The following MAST4 variants were observed in gnomAD, a reference collection of about 807,000 sequenced individuals.
MAST4 encodes the protein microtubule-associated serine/threonine-protein kinase 4.
Under a neutral mutation model 162.7 loss-of-function variants are expected in MAST4, and 89 were observed. That is an observed-to-expected ratio of 0.55 (90% CI 0.46 to 0.65). MAST4 has a LOEUF of 0.65. Ranked by LOEUF, MAST4 falls within the 30% of genes least tolerant of loss-of-function variation. MAST4 has a pLI of 0.00. For synonymous variants in MAST4, 1,479 were observed against 1,361.1 expected (o/e 1.09, Z -1.91); for missense variants, 3,153 against 3,374.0 (o/e 0.93, Z 1.62).
At chr5:67,112,377 A>G (rs1052857994) in intron 11 of MAST4, among the ~76,000 whole-genome samples, 1 of 152,132 alleles carries the variant, frequency 6.6e-6, no homozygotes, top group African/African-American at 2.4e-5. Flanking sequence ...GTGTCCTCCA[A>G]TTCCATTCCA....
intron 3 of MAST4, among the ~76,000 whole-genome samples, chr5:66,852,140 G>A (rs1300909602): frequency 6.6e-6 from 1 of 152,068 alleles, no homozygotes; most frequent in Admixed American, 6.6e-5. Flanking sequence ...AAAATAGCTA[G>A]GCATTATTAA....
chr5:66,998,940 A>G (rs1237127788), intron 4 of MAST4, among the ~76,000 whole-genome samples: 2 of 152,228 alleles, frequency 1.3e-5, no homozygotes, highest in Admixed American at 6.5e-5. Flanking sequence ...CTAAAGTGAC[A>G]ACAAGGTTGG....
intron 3 of MAST4, chr5:66,828,716 G>T: frequency 7.1e-7 from 1 of 1,406,416 alleles, no homozygotes; most frequent in South Asian, 1.3e-5. Context: ...AGCTGACTCC[G>T]GGCTCCAATC....
intron 1 of MAST4, among the ~76,000 whole-genome samples, chr5:66,708,620 T>C (rs1486083578): frequency 6.6e-6 from 1 of 152,220 alleles, no homozygotes; most frequent in Non-Finnish European, 1.5e-5. Context: ...ACTTAGCCTT[T>C]CATTTTCTGT....
chr5:66,855,120 G>A (rs931497021), intron 3 of MAST4, among the ~76,000 whole-genome samples: 3 of 152,192 alleles, frequency 2.0e-5, no homozygotes, highest in African/African-American at 4.8e-5. Flanking sequence ...AATCCCCAGC[G>A]TTGGAGGTGG....
intron 1 of MAST4, among the ~76,000 whole-genome samples, chr5:66,626,330 G>A (rs1233815678): frequency 1.3e-5 from 2 of 152,116 alleles, no homozygotes; most frequent in African/African-American, 4.8e-5. Flanking sequence ...GTTTTCCAAA[G>A]CATCAAGTTG....
chr5:66,726,721 A>T (rs1751544994), intron 1 of MAST4, among the ~76,000 whole-genome samples: 1 of 152,110 alleles, frequency 6.6e-6, no homozygotes, highest in South Asian at 2.1e-4. Flanking sequence ...AATGAGCATT[A>T]TCACCTGAGC....
chr5:67,039,069 A>G (rs1365147285), intron 4 of MAST4, among the ~76,000 whole-genome samples: 1 of 152,210 alleles, frequency 6.6e-6, no homozygotes, highest in Non-Finnish European at 1.5e-5. Context: ...AGCTATCGAC[A>G]GGTTTTATTT....
intron 4 of MAST4, among the ~76,000 whole-genome samples, chr5:66,919,679 A>AG (rs1764361599): frequency 6.7e-6 from 1 of 148,426 alleles, no homozygotes. Context: ...AAAAAAAAAA[A>AG]GAGAAAAAGG....
chr5:66,723,616 G>A (rs940497211), intron 1 of MAST4, among the ~76,000 whole-genome samples: 7 of 152,110 alleles, frequency 4.6e-5, no homozygotes, highest in Admixed American at 3.9e-4. Context: ...GAAAGTGCCT[G>A]TTCCCTTATG....
intron 4 of MAST4, among the ~76,000 whole-genome samples, chr5:67,032,044 CA>C (rs1755401185): frequency 6.6e-6 from 1 of 152,110 alleles, no homozygotes; most frequent in Admixed American, 6.6e-5. Flanking sequence ...GCCCCCCTTC[CA>C]AAAACTCTTG....
At chr5:67,052,472 T>C (rs992056248) in intron 4 of MAST4, among the ~76,000 whole-genome samples, 1 of 152,136 alleles carries the variant, frequency 6.6e-6, no homozygotes, top group Non-Finnish European at 1.5e-5. Flanking sequence ...TTAAAAAATC[T>C]AAATTGTTCA....
At chr5:67,136,022 CTGTT>C (rs3071868) in intron 18 of MAST4, among the ~76,000 whole-genome samples, 9,011 of 151,732 alleles carry the variant, frequency 0.059, 454 homozygotes, top group East Asian at 0.22. Context: ...GCACTTTGAC[CTGTT>C]TGTTTGTTTG....
intron 1 of MAST4, among the ~76,000 whole-genome samples, chr5:66,757,399 T>G (rs1753605565): frequency 6.6e-6 from 1 of 152,220 alleles, no homozygotes; most frequent in Non-Finnish European, 1.5e-5. Flanking sequence ...GAACATTTTG[T>G]TCAATGTCTA....
intron 1 of MAST4, among the ~76,000 whole-genome samples, chr5:66,697,355 A>G (rs1398186773): frequency 2.0e-5 from 3 of 152,254 alleles, no homozygotes; most frequent in Non-Finnish European, 2.9e-5. Flanking sequence ...AGATCCATTC[A>G]AAATGCAAGA....
At chr5:67,022,271 A>T (rs1754079257) in intron 4 of MAST4, among the ~76,000 whole-genome samples, 1 of 152,172 alleles carries the variant, frequency 6.6e-6, no homozygotes, top group Admixed American at 6.5e-5. Context: ...TGCCAAAGTG[A>T]CGTGAACATG....
intron 4 of MAST4, among the ~76,000 whole-genome samples, chr5:66,970,329 A>G (rs1487557345): frequency 3.3e-5 from 5 of 152,226 alleles, no homozygotes; most frequent in African/African-American, 1.2e-4. Context: ...GGGAAGGGCA[A>G]GCATAATAAA....
At chr5:66,828,889 G>C in intron 3 of MAST4, 1 of 1,594,962 alleles carries the variant, frequency 6.3e-7, no homozygotes, top group Non-Finnish European at 8.6e-7. Flanking sequence ...CCAGGTAGGA[G>C]ACTGCTCCAT....
At chr5:66,732,742 T>G (rs1751931257) in intron 1 of MAST4, among the ~76,000 whole-genome samples, 2 of 152,218 alleles carry the variant, frequency 1.3e-5, no homozygotes, top group African/African-American at 4.8e-5. Context: ...CTTTTTCCAC[T>G]TGAGCCTTGG....
Sources: allele counts gnomAD v4.1 joint callset (sites outside exome capture counted in the v4.1 genomes callset), GRCh38; gene constraint gnomAD v4.1.1; transcripts MANE v1.5; gene names NCBI Gene and HGNC (gene_info 2026-07-23, HGNC 2026-07-21).